Variants in CDH2 observed in about 807,000 individuals in gnomAD.
CDH2 encodes the protein cadherin-2.
Under a neutral mutation model 92.0 loss-of-function variants are expected in CDH2, and 17 were observed. The observed-to-expected ratio is 0.18, with a 90% CI of 0.13 to 0.28. CDH2 has a LOEUF of 0.28. Ranked by LOEUF, CDH2 falls within the 10% of genes least tolerant of loss-of-function variation. The pLI, the probability that CDH2 is intolerant of heterozygous loss-of-function variation, is 1.00. For missense variants in CDH2, 862 were observed against 1,133.1 expected (o/e 0.76, Z 3.44); for synonymous variants, 419 against 415.9 (o/e 1.01, Z -0.09).
intron 15 of CDH2, among the ~76,000 whole-genome samples, chr18:27,957,973 T>C (rs1598987346): frequency 6.6e-6 from 1 of 152,330 alleles, no homozygotes; most frequent in East Asian, 1.9e-4. Flanking sequence ...AATTTACCTG[T>C]AATAGTTACT....
At chr18:28,048,903 A>AT (rs2014134229) in intron 2 of CDH2, among the ~76,000 whole-genome samples, 3 of 152,276 alleles carry the variant, frequency 2.0e-5, no homozygotes, top group South Asian at 4.1e-4. Flanking sequence ...TGAAAAAAGA[A>AT]AAGAAAAGAA....
intron 2 of CDH2, among the ~76,000 whole-genome samples, chr18:28,062,666 T>C (rs2014425129): frequency 6.6e-6 from 1 of 152,128 alleles, no homozygotes; most frequent in Admixed American, 6.6e-5. Flanking sequence ...GAATGAACTA[T>C]CACCAGTTGA....
intron 2 of CDH2, among the ~76,000 whole-genome samples, chr18:28,098,198 T>C (rs1396629746): frequency 6.6e-6 from 1 of 152,186 alleles, no homozygotes; most frequent in Non-Finnish European, 1.5e-5. Context: ...GCTACACAGA[T>C]ATGACAATTA....
At chr18:28,034,183 G>A (rs1240375363) in intron 2 of CDH2, among the ~76,000 whole-genome samples, 1 of 151,960 alleles carries the variant, frequency 6.6e-6, no homozygotes, top group Non-Finnish European at 1.5e-5. Context: ...CATTTCTTCA[G>A]CTGTAATATG....
chr18:28,166,491 G>T lies in CDH2; in HGVS notation c.60+10472C>A, dbSNP rs2016387199. On this transcript the variant is annotated intron_variant, in intron 1 of 15. Coordinates refer to ENST00000269141, the MANE Select transcript of CDH2 (RefSeq NM_001792.5). The stretch of plus-strand genomic sequence containing the variant: ...AAATCAATTTGTAAATTAAATCAAT[G>T]GTTATGATATTCTCCCCAAATGTTC... 3.9e-5 allele frequency among the ~76,000 whole-genome samples: 6 copies of T among 151,902 alleles called. 1 individual carries two copies. The Middle Eastern group carries it at 0.017, about 431-fold the overall frequency.
rs534302170 is a variant in CDH2 at position 28,091,884 on chromosome 18, G to T, written c.172+55789C>A. Among the ~76,000 whole-genome samples the T allele has an allele frequency of 5.9e-5, 9 of 152,098 alleles. No homozygotes were observed. The East Asian group carries it at 9.7e-4, about 16-fold the overall frequency. On this transcript the variant is annotated intron_variant, in intron 2 of 15. Coordinates refer to ENST00000269141, the MANE Select transcript of CDH2 (RefSeq NM_001792.5). Reference sequence around the variant, plus strand: ...ACTGCCTGGCTTAAACAATAGAAATGTGTATTCTCACAATTCTAGAAACTA... The same window carrying T: ...ACTGCCTGGCTTAAACAATAGAAATTTGTATTCTCACAATTCTAGAAACTA...
intron 2 of CDH2, among the ~76,000 whole-genome samples, chr18:28,028,162 G>GA (rs1300859933): frequency 1.7e-4 from 26 of 150,186 alleles, no homozygotes; most frequent in East Asian, 1.6e-3. Flanking sequence ...CACTCTAAAA[G>GA]AAAAAAAAAC....
At chr18:28,151,449 A>T (rs190580827) in intron 1 of CDH2, among the ~76,000 whole-genome samples, 301 of 152,320 alleles carry the variant, frequency 2.0e-3, no homozygotes, top group African/African-American at 7.0e-3. Flanking sequence ...TCCCTAACAA[A>T]GGAGTGCCAA....
chr18:28,010,700 C>T (rs1370785166), intron 4 of CDH2, among the ~76,000 whole-genome samples: 1 of 151,226 alleles, frequency 6.6e-6, no homozygotes, highest in Non-Finnish European at 1.5e-5. Flanking sequence ...GAAGGAGTCT[C>T]ACTCTGTCGT....
chr18:28,107,864 G>C (rs2015348343), intron 2 of CDH2, among the ~76,000 whole-genome samples: 1 of 151,920 alleles, frequency 6.6e-6, no homozygotes, highest in East Asian at 1.9e-4. Context: ...TAGCGGAAAA[G>C]AAAAGGAAAA....
At chr18:28,136,283 G>C (rs962486319) in intron 2 of CDH2, among the ~76,000 whole-genome samples, 5 of 152,084 alleles carry the variant, frequency 3.3e-5, no homozygotes, top group African/African-American at 1.2e-4. Context: ...AATGTCTGTG[G>C]TCAGATGATA....
Position 27,963,403 on chromosome 18 carries a change from C to T in CDH2, c.2468G>A (p.Arg823Gln), listed in dbSNP as rs199638301. Residue 823 changes from arginine to glutamine, a missense_variant, in exon 15 of 16, where the codon CGA (arginine) becomes CAA (glutamine). Physicochemically the swap from Arg to Gln is conservative, Grantham distance 43 (BLOSUM62 1). Around this residue, in one of 5 missense-constraint regions of CDH2, gnomAD observed 114 missense variants for 144.8 expected, o/e 0.79. Coordinates refer to ENST00000269141, the MANE Select transcript of CDH2 (RefSeq NM_001792.5). ...PIHAEPQYPVRSAAPHPGDIG... is the reference protein window; with the variant it reads ...PIHAEPQYPVQSAAPHPGDIG... ...GTCTCCAGGGTGTGGGGCTGCAGAT[C>T]GGACCGGATACTGGGGCTCGGCGTG... 4.9e-5 allele frequency: 79 copies of T among 1,613,936 alleles called. No individual in the cohort carries two copies. Among genetic ancestry groups the T allele is most frequent in the Non-Finnish European group, 5.9e-5 (70 of 1,180,026 alleles).
chr18:28,126,818 C>T (rs2015685046), intron 2 of CDH2, among the ~76,000 whole-genome samples: 1 of 152,108 alleles, frequency 6.6e-6, no homozygotes, highest in Non-Finnish European at 1.5e-5. Context: ...AAGTGACTTC[C>T]TAAAATTGAA....
chr18:27,946,765 T>C (rs1366656471), downstream of CDH2, among the ~76,000 whole-genome samples: 1 of 151,928 alleles, frequency 6.6e-6, no homozygotes, highest in Non-Finnish European at 1.5e-5. Context: ...ATAAAATATA[T>C]CAACCCATTA....
intron 5 of CDH2, among the ~76,000 whole-genome samples, chr18:28,007,998 T>G (rs2012989495): frequency 6.6e-6 from 1 of 152,132 alleles, no homozygotes; most frequent in African/African-American, 2.4e-5. Flanking sequence ...CCTCCCAAAT[T>G]GCTAGGATTC....
chr18:27,989,966 T>A, intron 10 of CDH2, 131 bp downstream of exon 10: 1 of 740,644 alleles, frequency 1.4e-6, no homozygotes, highest in Non-Finnish European at 2.1e-6. Context: ...ATTCAAAGAA[T>A]TTTAAATTAT....
At chr18:28,025,293 G>A (rs2013520416) in intron 2 of CDH2, among the ~76,000 whole-genome samples, 1 of 152,152 alleles carries the variant, frequency 6.6e-6, no homozygotes, top group African/African-American at 2.4e-5. Flanking sequence ...TGAGGCAGGA[G>A]GGTTGCCTAA....
At chr18:27,981,723 A>T (rs577318530) in intron 14 of CDH2, among the ~76,000 whole-genome samples, 24 of 152,352 alleles carry the variant, frequency 1.6e-4, no homozygotes, top group African/African-American at 4.3e-4. Context: ...GCAAGGGAAA[A>T]ATATGTTCAT....
At chr18:28,157,892 A>G (rs1453361144) in intron 1 of CDH2, among the ~76,000 whole-genome samples, 1 of 152,220 alleles carries the variant, frequency 6.6e-6, no homozygotes, top group Non-Finnish European at 1.5e-5. Flanking sequence ...AAAAGTATAC[A>G]TGGAAAGTTA....
Sources: gnomAD v4.1 joint callset for allele counts (sites outside exome capture counted in the v4.1 genomes callset) on GRCh38, gnomAD v4.1.1 for gene constraint, gnomAD v4.1.1 regional missense constraint, MANE v1.5 for transcripts, NCBI Gene and HGNC (gene_info 2026-07-23, HGNC 2026-07-21) for gene names.